STXBP5L: variants seen among roughly 807,000 people sequenced by gnomAD.
STXBP5L encodes the protein syntaxin binding protein 5L.
In STXBP5L, 65 loss-of-function variants were observed where a neutral mutation model predicts 144.5. That is an observed-to-expected ratio of 0.45 (90% CI 0.37 to 0.55). The LOEUF is 0.55. Among genes scored for constraint, STXBP5L ranks in the 20% least tolerant of loss-of-function variants. The pLI is 0.00. For missense variants in STXBP5L, 1,298 were observed against 1,405.5 expected (o/e 0.92, Z 1.22); for synonymous variants, 505 against 469.6 (o/e 1.08, Z -0.97).
chr3:121,371,843 G>T (rs968369480), intron 20 of STXBP5L, among the ~76,000 whole-genome samples: 2 of 152,222 alleles, frequency 1.3e-5, no homozygotes, highest in Non-Finnish European at 2.9e-5. Flanking sequence ...CACAGGCAGG[G>T]CAGGGCCAGT....
At chr3:121,148,404 A>G (rs1227471889) in intron 7 of STXBP5L, among the ~76,000 whole-genome samples, 3 of 152,166 alleles carry the variant, frequency 2.0e-5, no homozygotes, top group Non-Finnish European at 4.4e-5. Flanking sequence ...ATAGCTAATA[A>G]GCAGCATTTA....
At chr3:120,941,835 C>G (rs1026970944) in intron 2 of STXBP5L, among the ~76,000 whole-genome samples, 1 of 151,598 alleles carries the variant, frequency 6.6e-6, no homozygotes, top group Non-Finnish European at 1.5e-5. Context: ...AGTGCCATAT[C>G]ATTCGTCAAT....
At chr3:121,165,083 C>T (rs2046454081) in intron 9 of STXBP5L, among the ~76,000 whole-genome samples, 1 of 152,146 alleles carries the variant, frequency 6.6e-6, no homozygotes, top group Non-Finnish European at 1.5e-5. Context: ...TAACTTGCCT[C>T]ACTATAGTAA....
chr3:121,379,387 G>A (rs2046272438), intron 21 of STXBP5L, among the ~76,000 whole-genome samples: 1 of 152,034 alleles, frequency 6.6e-6, no homozygotes, highest in African/African-American at 2.4e-5. Flanking sequence ...GGGCGGTGGG[G>A]TAGGGGAGTA....
intron 2 of STXBP5L, among the ~76,000 whole-genome samples, chr3:120,923,375 A>C (rs1414777590): frequency 6.6e-6 from 1 of 150,772 alleles, no homozygotes; most frequent in Non-Finnish European, 1.5e-5. Context: ...TTTTTCTATG[A>C]ATGTTGGGTT....
At chr3:121,412,600 T>C (rs1282900036) in intron 23 of STXBP5L, among the ~76,000 whole-genome samples, 1 of 151,926 alleles carries the variant, frequency 6.6e-6, no homozygotes, top group East Asian at 1.9e-4. Flanking sequence ...CTCATCATAG[T>C]TCCCAATTAT....
chr3:121,073,809 C>A (rs1351787201), intron 5 of STXBP5L, among the ~76,000 whole-genome samples: 1 of 152,188 alleles, frequency 6.6e-6, no homozygotes, highest in Non-Finnish European at 1.5e-5. Flanking sequence ...CCCCTAAAAG[C>A]TCCTGCACTT....
At chr3:121,401,665 A>G (rs1488480655) in intron 22 of STXBP5L, among the ~76,000 whole-genome samples, 3 of 116,444 alleles carry the variant, frequency 2.6e-5, no homozygotes, top group African/African-American at 1.0e-4. Context: ...AACACCGCAT[A>G]TTCTCACTCA....
chr3:121,200,217 G>A (rs536452520), intron 9 of STXBP5L, among the ~76,000 whole-genome samples: 1 of 152,216 alleles, frequency 6.6e-6, no homozygotes, highest in East Asian at 1.9e-4. Context: ...TTGGGAGGGT[G>A]TATGTGTCCA....
intron 9 of STXBP5L, among the ~76,000 whole-genome samples, chr3:121,201,559 G>A (rs1310518780): frequency 1.3e-5 from 2 of 151,926 alleles, no homozygotes; most frequent in South Asian, 2.1e-4. Context: ...TAATTATGAC[G>A]CTAGCTGGTT....
intron 3 of STXBP5L, among the ~76,000 whole-genome samples, chr3:121,023,687 C>T (rs982142018): frequency 2.6e-4 from 39 of 152,222 alleles, no homozygotes; most frequent in African/African-American, 9.4e-4. Context: ...TGTATAAAAA[C>T]GAAACTGGAT....
At chr3:120,972,135 A>G (rs937469279) in intron 3 of STXBP5L, among the ~76,000 whole-genome samples, 13 of 152,058 alleles carry the variant, frequency 8.5e-5, no homozygotes, top group Admixed American at 3.3e-4. Flanking sequence ...TTTGATAGGA[A>G]TTGCATTGAA....
intron 20 of STXBP5L, among the ~76,000 whole-genome samples, chr3:121,318,868 T>G (rs978726565): frequency 2.6e-5 from 4 of 152,192 alleles, no homozygotes; most frequent in Admixed American, 6.5e-5. Flanking sequence ...CTTGTCATCT[T>G]CAGGCTAGAG....
intron 18 of STXBP5L, among the ~76,000 whole-genome samples, chr3:121,277,864 GGTA>G (rs2050933845): frequency 6.6e-6 from 1 of 151,950 alleles, no homozygotes; most frequent in Admixed American, 6.6e-5. Flanking sequence ...CAGTTTCATT[GGTA>G]GTAGCATAAA....
At chr3:121,217,582 G>C (rs2048823920) in intron 10 of STXBP5L, among the ~76,000 whole-genome samples, 1 of 152,128 alleles carries the variant, frequency 6.6e-6, no homozygotes, top group Non-Finnish European at 1.5e-5. Flanking sequence ...ACTTCCTTCT[G>C]TGTTGATGTC....
intron 19 of STXBP5L, 97 bp from the exon 20 acceptor site, chr3:121,318,378 T>TTA: frequency 1.3e-6 from 1 of 761,622 alleles, no homozygotes; most frequent in Non-Finnish European, 2.0e-6. Flanking sequence ...AGTTTTCACA[T>TTA]AAAAAAAAGC....
intron 19 of STXBP5L, among the ~76,000 whole-genome samples, chr3:121,313,147 T>C (rs2043608892): frequency 7.6e-6 from 1 of 131,120 alleles, no homozygotes; most frequent in African/African-American, 3.0e-5. Flanking sequence ...GGGTCCTCAC[T>C]TCCCAGTAGG....
chr3:121,029,300 C>G (rs946795176), intron 3 of STXBP5L, among the ~76,000 whole-genome samples: 1 of 152,114 alleles, frequency 6.6e-6, no homozygotes, highest in Non-Finnish European at 1.5e-5. Flanking sequence ...CTTACAGTAA[C>G]CAAAACAGCA....
rs568527496 is a variant in STXBP5L at position 121,131,338 on chromosome 3, C to T, written c.669+9634C>T. On this transcript the variant is annotated intron_variant, in intron 7 of 26. Coordinates refer to ENST00000471454, the MANE Select transcript of STXBP5L (RefSeq NM_001308330.2). ...TTATTAACAGTGATACCAATGGAGACAGAAAGTTTAAGAAAATGAGAAAGT... is the reference window on the plus strand; with the variant it reads ...TTATTAACAGTGATACCAATGGAGATAGAAAGTTTAAGAAAATGAGAAAGT... Among the ~76,000 whole-genome samples, 3 of 152,166 alleles carry T rather than the reference C, an allele frequency of 2.0e-5. No individual in the cohort carries two copies. In the South Asian group the frequency reaches 6.2e-4, roughly 32 times the overall value.
Sources: allele counts gnomAD v4.1 joint callset (sites outside exome capture counted in the v4.1 genomes callset), GRCh38; gene constraint gnomAD v4.1.1; transcripts MANE v1.5; gene names NCBI Gene and HGNC (gene_info 2026-07-23, HGNC 2026-07-21).